Variants in LRP8 observed in about 807,000 individuals in gnomAD.
LRP8 encodes low-density lipoprotein receptor-related protein 8.
In LRP8, 46 loss-of-function variants were observed where a neutral mutation model predicts 111.6. The ratio of observed to expected loss-of-function variants is 0.41; its 90% CI spans 0.33 to 0.53. The LOEUF (loss-of-function observed/expected upper bound fraction) is 0.53. Among genes scored for constraint, LRP8 ranks in the 20% least tolerant of loss-of-function variants. The pLI is 0.20. For synonymous variants in LRP8, 464 were observed against 511.2 expected, an observed-to-expected ratio of 0.91 and a Z score of 1.24; for missense variants, 959 against 1,297.4, an observed-to-expected ratio of 0.74 and a Z score of 4.01.
rs1167703845 is a variant in LRP8 at position 53,266,048 on chromosome 1, A to T, written c.1427+425T>A. 6.7e-6 allele frequency among the ~76,000 whole-genome samples: 1 copy of T among 148,454 alleles called. No individual in the cohort carries two copies. Among genetic ancestry groups the T allele is most frequent in the Non-Finnish European group, 1.5e-5 (1 of 66,724 alleles). Reference sequence around the variant, plus strand: ...GAGGCCTCCTCTGTACTTTCTCATGATCATCACAAATGGATGTCACTGTGT... The same window carrying T: ...GAGGCCTCCTCTGTACTTTCTCATGTTCATCACAAATGGATGTCACTGTGT... On this transcript the variant is annotated intron_variant, in intron 9 of 18. Transcript: ENST00000306052. This position sits in a 1 kb window ranked among gnomAD's most constrained non-coding sequence, Gnocchi z 5.0.
chr1:53,250,566 GGGAAGGAC>G lies in LRP8; in HGVS notation c.2676+116_2676+123del. ...GGGAAGGACGGAAGGAAAGGAGGGA[GGGAAGGAC>G]GGAAGGAAGGAAGGGAGGGAAGAAA... On this transcript the variant is annotated intron_variant, in intron 17 of 18. Transcript: ENST00000306052. The surrounding 1 kb of genome is among the most constrained non-coding windows in gnomAD (Gnocchi z 4.6). The G allele has an allele frequency of 1.3e-6, 1 of 776,250 alleles. No homozygotes were observed. The highest frequency in any genetic ancestry group is 2.1e-6 in the Non-Finnish European group (1 of 478,114). 48.1% of individuals were successfully genotyped at this position (776,250 alleles called of 1,614,324 possible).
Position 53,266,788 on chromosome 1 carries a change from A to G in LRP8, c.1253-141T>C. On this transcript the variant is annotated intron_variant, in intron 8 of 18. Transcript: ENST00000306052. This position sits in a 1 kb window ranked among gnomAD's most constrained non-coding sequence, Gnocchi z 5.0. ...TGACAATTCCTACTTTACAGGTTGC[A>G]GGAGCAGATGAAATAATGAGTACAG... 1.4e-6 allele frequency: 1 copy of G among 690,572 alleles called. No individual in the cohort carries two copies. The highest frequency in any genetic ancestry group is 1.8e-5 in the South Asian group (1 of 56,494). The allele number at this position is 690,572 out of a possible 1,614,324, so 42.8% of individuals were successfully genotyped here.
chr1:53,312,525 ATT>A (rs568797655), intron 2 of LRP8, among the ~76,000 whole-genome samples: 5 of 145,614 alleles, frequency 3.4e-5, no homozygotes, highest in Admixed American at 6.8e-5. Flanking sequence ...CACCTGGCTA[ATT>A]TTTTTTTTTT....
At chr1:53,284,552 C>A (rs1299184995) in intron 3 of LRP8, among the ~76,000 whole-genome samples, 1 of 152,178 alleles carries the variant, frequency 6.6e-6, no homozygotes, top group Admixed American at 6.5e-5. Flanking sequence ...CTTGGCTGTA[C>A]GCTCCACCTC....
At chr1:53,313,195 C>T (rs1390027385) in intron 2 of LRP8, among the ~76,000 whole-genome samples, 3 of 152,214 alleles carry the variant, frequency 2.0e-5, no homozygotes, top group Non-Finnish European at 2.9e-5. Flanking sequence ...GCCCCCAGGG[C>T]GTGGCCTGCT....
intron 2 of LRP8, among the ~76,000 whole-genome samples, chr1:53,312,160 G>A (rs1444407405): frequency 2.0e-5 from 3 of 152,180 alleles, no homozygotes; most frequent in African/African-American, 7.2e-5. Context: ...GTCATACGAG[G>A]TGAGCAGGGC....
intron 3 of LRP8, among the ~76,000 whole-genome samples, chr1:53,282,746 T>C (rs1647155289): frequency 6.6e-6 from 1 of 152,182 alleles, no homozygotes; most frequent in African/African-American, 2.4e-5. Flanking sequence ...GGGATTCCCA[T>C]GCACCTCTAT....
At position 53,303,526 on chromosome 1, in the gene LRP8, G is replaced by C. The variant is rs1350965396; in HGVS notation, c.245-13837C>G. On this transcript the variant is annotated intron_variant, in intron 2 of 18. Coordinates refer to ENST00000306052, the MANE Select transcript of LRP8 (RefSeq NM_004631.5). This position sits in a 1 kb window ranked among gnomAD's most constrained non-coding sequence, Gnocchi z 4.3. ...GCTGAAGAGACTGGAGGAATCATAAGATAGTCTTCGAATCACAGAACAGAA... is the reference window on the plus strand; with the variant it reads ...GCTGAAGAGACTGGAGGAATCATAACATAGTCTTCGAATCACAGAACAGAA... 6.6e-6 allele frequency among the ~76,000 whole-genome samples: 1 copy of C among 152,250 alleles called. No individual in the cohort carries two copies. The highest frequency in any genetic ancestry group is 1.5e-5 in the Non-Finnish European group (1 of 68,040).
At chr1:53,315,894 G>A (rs769911408) in intron 2 of LRP8, among the ~76,000 whole-genome samples, 2 of 152,230 alleles carry the variant, frequency 1.3e-5, no homozygotes, top group Non-Finnish European at 2.9e-5. Context: ...CTCTGTCACA[G>A]AGGGGAGACA....
intron 2 of LRP8, among the ~76,000 whole-genome samples, chr1:53,311,572 G>A (rs750546634): frequency 3.9e-5 from 6 of 151,904 alleles, no homozygotes; most frequent in African/African-American, 7.3e-5. Flanking sequence ...AGGAAGGAGC[G>A]ATACTGCGTG....
chr1:53,307,399 C>T (rs1486575845), intron 2 of LRP8: 1 of 152,390 alleles, frequency 6.6e-6, no homozygotes, highest in Non-Finnish European at 1.5e-5. Context: ...CCTATCTGCA[C>T]ACAGCTCAGC....
chr1:53,318,487 C>G (rs17108323), intron 2 of LRP8, among the ~76,000 whole-genome samples: 1 of 152,010 alleles, frequency 6.6e-6, no homozygotes, highest in Non-Finnish European at 1.5e-5. Context: ...GAGAGCAGAA[C>G]GGCAATGATG....
intron 6 of LRP8, chr1:53,272,529 C>G: frequency 8.0e-7 from 1 of 1,255,186 alleles, no homozygotes; most frequent in Non-Finnish European, 1.0e-6. Flanking sequence ...TCTGAGCTGC[C>G]CACCCCAGGC....
At chr1:53,327,347 G>C in intron 1 of LRP8, 1 of 285,360 alleles carries the variant, frequency 3.5e-6, no homozygotes, top group Non-Finnish European at 6.6e-6. Flanking sequence ...GGGAGCCGCA[G>C]GCACATCACC....
chr1:53,257,184 T>G (rs1325123044), intron 15 of LRP8, 56 bp downstream of exon 15: 2 of 1,550,980 alleles, frequency 1.3e-6, no homozygotes, highest in Admixed American at 1.7e-5. Flanking sequence ...ACCCCCTTCC[T>G]GGCTTCCCTA....
Position 53,250,699 on chromosome 1 carries a change from G to C in LRP8, c.2667C>G (p.Val889=). 6.2e-7 allele frequency: 1 copy of C among 1,613,978 alleles called. No homozygotes were observed. The change falls in exon 17 of 19, where the codon GTC becomes GTG. Residue 889 remains valine (V), a synonymous_variant. Coordinates refer to ENST00000306052, the MANE Select transcript of LRP8 (RefSeq NM_004631.5). This position sits in a 1 kb window ranked among gnomAD's most constrained non-coding sequence, Gnocchi z 4.6. ...AGTGAGAAATACTTACTGCAGGATAGACATGGCCAATCTGAGCAGTTCTCC... is the reference window on the plus strand; with the variant it reads ...AGTGAGAAATACTTACTGCAGGATACACATGGCCAATCTGAGCAGTTCTCC... ...HIGRTAQIGH[V]YPAAISSFDR...
At chr1:53,326,149 G>C (rs1156996464) in intron 2 of LRP8, among the ~76,000 whole-genome samples, 1 of 152,244 alleles carries the variant, frequency 6.6e-6, no homozygotes, top group Non-Finnish European at 1.5e-5. Context: ...AGCCGGGCAG[G>C]GCTAGCAGGA....
At chr1:53,290,734 C>CAGCA (rs1287158139) in intron 2 of LRP8, among the ~76,000 whole-genome samples, 1 of 152,178 alleles carries the variant, frequency 6.6e-6, no homozygotes, top group Non-Finnish European at 1.5e-5. Context: ...TCTTCCCAAG[C>CAGCA]AGCAGCACAG....
chr1:53,289,979 G>C (rs1369647006), intron 2 of LRP8, among the ~76,000 whole-genome samples: 3 of 152,134 alleles, frequency 2.0e-5, no homozygotes, highest in Admixed American at 6.5e-5. Context: ...CACTGCCACT[G>C]TCCCCAGGAA....
Sources: allele counts gnomAD v4.1 joint callset (sites outside exome capture counted in the v4.1 genomes callset), GRCh38; gene constraint gnomAD v4.1.1; non-coding constraint Gnocchi (gnomAD v3.1); transcripts MANE v1.5; gene names NCBI Gene and HGNC (gene_info 2026-07-23, HGNC 2026-07-21).